The following PALLD variants were observed in gnomAD, a reference collection of about 807,000 sequenced individuals.
The protein encoded by PALLD is palladin.
In PALLD, 61 loss-of-function variants were observed where a neutral mutation model predicts 123.5. That is an observed-to-expected ratio of 0.49 (90% CI 0.40 to 0.61). The LOEUF (loss-of-function observed/expected upper bound fraction) is 0.61. Among genes scored for constraint, PALLD ranks in the 20% least tolerant of loss-of-function variants. The probability of loss-of-function intolerance (pLI) is 0.00; values close to 1 mark genes in which losing one functional copy is unlikely to be tolerated. For missense variants in PALLD, 1,273 were observed against 1,377.0 expected (o/e 0.92, Z 1.20); for synonymous variants, 465 against 496.4 (o/e 0.94, Z 0.84).
chr4:168,842,063 G>C (rs1746116666), intron 10 of PALLD, among the ~76,000 whole-genome samples: 1 of 152,218 alleles, frequency 6.6e-6, no homozygotes, highest in Admixed American at 6.5e-5. Context: ...GTTTGGTTGT[G>C]CAGTTGCTCT....
intron 2 of PALLD, among the ~76,000 whole-genome samples, chr4:168,623,046 A>G (rs1312726594): frequency 1.3e-5 from 2 of 152,234 alleles, no homozygotes; most frequent in Non-Finnish European, 2.9e-5. Flanking sequence ...CTGTCCTTTG[A>G]GCCTTAGAAA....
chr4:168,869,012 G>A lies in PALLD; in HGVS notation c.1965-21910G>A, dbSNP rs942736327. On this transcript the variant is annotated intron_variant, in intron 10 of 21. Transcript: ENST00000505667. This position sits in a 1 kb window ranked among gnomAD's most constrained non-coding sequence, Gnocchi z 4.5. ...GCACTGGTACAGGCTGCCACTGCCT[G>A]GAACATGATGGAGCGCCTCACAGAT... 6.6e-6 allele frequency among the ~76,000 whole-genome samples: 1 copy of A among 152,142 alleles called. No homozygotes were observed. The highest frequency in any genetic ancestry group is 6.6e-5 in the Admixed American group (1 of 15,262).
At chr4:168,627,718 A>T (rs968520102) in intron 2 of PALLD, among the ~76,000 whole-genome samples, 1 of 152,360 alleles carries the variant, frequency 6.6e-6, no homozygotes, top group South Asian at 2.1e-4. Flanking sequence ...AACAATCTGA[A>T]ACTCCTAACG....
intron 10 of PALLD, chr4:168,832,003 T>A: frequency 1.0e-6 from 1 of 985,354 alleles, no homozygotes; most frequent in Non-Finnish European, 1.2e-6. Flanking sequence ...GCCGCCGGAC[T>A]CTTATTTTGA....
intron 2 of PALLD, among the ~76,000 whole-genome samples, chr4:168,568,405 T>A (rs1186985479): frequency 6.6e-6 from 1 of 152,130 alleles, no homozygotes; most frequent in Non-Finnish European, 1.5e-5. Context: ...CTCTGTTCAT[T>A]ATATGAAGTT....
intron 3 of PALLD, among the ~76,000 whole-genome samples, chr4:168,679,437 G>C (rs1377214327): frequency 8.0e-6 from 1 of 124,954 alleles, no homozygotes; most frequent in East Asian, 2.5e-4. Flanking sequence ...GGATGTGTGG[G>C]GTGTGTGTGT....
At chr4:168,618,451 A>G (rs1774436090) in intron 2 of PALLD, among the ~76,000 whole-genome samples, 1 of 152,182 alleles carries the variant, frequency 6.6e-6, no homozygotes, top group African/African-American at 2.4e-5. Flanking sequence ...GATCATCTCC[A>G]GTTGCTGACT....
chr4:168,537,546 ATTATC>A (rs1447219902), intron 2 of PALLD: 2 of 152,206 alleles, frequency 1.3e-5, no homozygotes, highest in African/African-American at 4.8e-5. Flanking sequence ...AAATCTTATA[ATTATC>A]TTATATCAAC....
chr4:168,719,432 G>A (rs1053346577), intron 10 of PALLD, among the ~76,000 whole-genome samples: 1 of 151,362 alleles, frequency 6.6e-6, no homozygotes, highest in African/African-American at 2.4e-5. Context: ...TAATTTTTTT[G>A]TACTTTTAGT....
chr4:168,512,562 A>G (rs764319491), intron 2 of PALLD, 150 bp downstream of exon 2: 411 of 770,954 alleles, frequency 5.3e-4, no homozygotes, highest in Middle Eastern at 4.1e-3. Context: ...AATCGCCACT[A>G]TGAGTTGTCC....
At chr4:168,596,744 C>T (rs1309516257) in intron 2 of PALLD, among the ~76,000 whole-genome samples, 3 of 139,684 alleles carry the variant, frequency 2.1e-5, no homozygotes, top group Non-Finnish European at 4.7e-5. Context: ...AAAAAGGAAA[C>T]AGGAAGAAAT....
chr4:168,752,391 A>G (rs1274936569), intron 10 of PALLD, among the ~76,000 whole-genome samples: 1 of 152,164 alleles, frequency 6.6e-6, no homozygotes, highest in African/African-American at 2.4e-5. Context: ...CAAAAAGTCT[A>G]TTTCTTAAAT....
At chr4:168,641,620 G>C (rs1776957059) in intron 2 of PALLD, among the ~76,000 whole-genome samples, 1 of 152,142 alleles carries the variant, frequency 6.6e-6, no homozygotes, top group Non-Finnish European at 1.5e-5. Flanking sequence ...ATCCCACTCA[G>C]GTCTTAGATA....
chr4:168,872,475 A>G lies in PALLD; in HGVS notation c.1965-18447A>G, dbSNP rs78118612. ...TGTAAAGAAACCTATGTCCTTTTGCAATACATTTTAAACTTATACATAATC... is the reference window on the plus strand; with the variant it reads ...TGTAAAGAAACCTATGTCCTTTTGCGATACATTTTAAACTTATACATAATC... On this transcript the variant is annotated intron_variant, in intron 10 of 21. Transcript: ENST00000505667. Among the ~76,000 whole-genome samples the G allele has an allele frequency of 8.8e-3, 1,335 of 152,338 alleles. 15 individuals are homozygous for G. The highest frequency in any genetic ancestry group is 0.03 in the African/African-American group (1,255 of 41,572).
At chr4:168,595,360 T>C (rs567278141) in intron 2 of PALLD, among the ~76,000 whole-genome samples, 1 of 152,270 alleles carries the variant, frequency 6.6e-6, no homozygotes, top group South Asian at 2.1e-4. Flanking sequence ...TACTGAGATC[T>C]GTACTATGTA....
chr4:168,888,695 G>A (rs973390828), intron 10 of PALLD, among the ~76,000 whole-genome samples: 2 of 152,090 alleles, frequency 1.3e-5, no homozygotes, highest in Non-Finnish European at 1.5e-5. Flanking sequence ...CATGCCTTTG[G>A]CCAAACTAAT....
At chr4:168,803,209 A>G (rs1581549462) in intron 10 of PALLD, among the ~76,000 whole-genome samples, 1 of 152,100 alleles carries the variant, frequency 6.6e-6, no homozygotes, top group African/African-American at 2.4e-5. Flanking sequence ...CGTGGCTGGG[A>G]GGCCTCGGGA....
chr4:168,598,469 G>T (rs1033138517), intron 2 of PALLD: 4 of 589,426 alleles, frequency 6.8e-6, no homozygotes, highest in African/African-American at 5.7e-5. Flanking sequence ...AACTGCAAAG[G>T]TGTTAGCAGA....
chr4:168,894,788 C>A, intron 12 of PALLD, 111 bp downstream of exon 12: 1 of 1,524,334 alleles, frequency 6.6e-7, no homozygotes, highest in Non-Finnish European at 8.8e-7. Context: ...GAGGGCAAGT[C>A]ACAGAAAAGC....
Sources: allele counts gnomAD v4.1 joint callset (sites outside exome capture counted in the v4.1 genomes callset), GRCh38; gene constraint gnomAD v4.1.1; non-coding constraint Gnocchi (gnomAD v3.1); transcripts MANE v1.5; gene names NCBI Gene and HGNC (gene_info 2026-07-23, HGNC 2026-07-21).